SPINK9: variants seen among roughly 807,000 people sequenced by gnomAD.
SPINK9 encodes the protein serine protease inhibitor Kazal-type 9.
Under a neutral mutation model 10.8 loss-of-function variants are expected in SPINK9, and 3 were observed. The observed-to-expected ratio is 0.28, with a 90% CI of 0.13 to 0.72. SPINK9 has a LOEUF of 0.72. SPINK9 is among the 30% of genes least tolerant of loss of function. SPINK9 has a pLI of 0.74. For synonymous variants in SPINK9, 30 were observed against 31.2 expected (o/e 0.96, Z 0.12); for missense variants, 101 against 103.2 (o/e 0.98, Z 0.09).
At chr5:148,323,773 A>C in exon 2 of SPINK9, 1 of 700,936 alleles carries the variant, frequency 1.4e-6, no homozygotes, top group Middle Eastern at 2.3e-4. Flanking sequence ...AATCCTTCTC[A>C]TCATTGTTTT....
At chr5:148,326,022 A>G (rs1322535026) in intron 2 of SPINK9, among the ~76,000 whole-genome samples, 1 of 152,310 alleles carries the variant, frequency 6.6e-6, no homozygotes, top group Admixed American at 6.5e-5. Flanking sequence ...TTCGCCATAT[A>G]TCCAAAATAT....
upstream of SPINK9, among the ~76,000 whole-genome samples, chr5:148,332,818 T>C (rs934211542): frequency 1.3e-5 from 2 of 152,196 alleles, no homozygotes; most frequent in African/African-American, 2.4e-5. Context: ...CTCTCTGAGA[T>C]GCTCCCTGAC....
chr5:148,339,516 A>G, intron 3 of SPINK9, 151 bp from the exon 4 acceptor site: 1 of 608,000 alleles, frequency 1.6e-6, no homozygotes, highest in Non-Finnish European at 2.9e-6. Context: ...ACCAGTTTCA[A>G]AAATATTTCT....
chr5:148,330,540 C>T (rs1029761746), intron 2 of SPINK9, among the ~76,000 whole-genome samples: 7 of 152,134 alleles, frequency 4.6e-5, no homozygotes, highest in African/African-American at 1.7e-4. Context: ...GAATTTGATC[C>T]TGTCACTATG....
Position 148,335,590 on chromosome 5 carries a change from G to T in SPINK9, c.-24G>T. 3.7e-6 allele frequency: 6 copies of T among 1,612,488 alleles called. No homozygotes were observed. In the South Asian group the frequency reaches 5.5e-5, roughly 15 times the overall value. On this transcript the variant is annotated 5_prime_UTR_variant, in exon 1 of 4. Transcript: ENST00000377906. ...CAGGTCACTTCTTTTCCCTACATCT[G>T]ACTGCCTTGGCCACTTCAGTACTAT... is the stretch of plus-strand genomic sequence containing the variant.
chr5:148,326,717 A>G (rs1424621266), intron 2 of SPINK9, among the ~76,000 whole-genome samples: 3 of 151,770 alleles, frequency 2.0e-5, no homozygotes, highest in Non-Finnish European at 4.4e-5. Flanking sequence ...CCTGTGTCCA[A>G]GTGTTCTCAT....
At chr5:148,334,358 T>C (rs1757188043), upstream of SPINK9, among the ~76,000 whole-genome samples, 1 of 152,180 alleles carries the variant, frequency 6.6e-6, no homozygotes, top group African/African-American at 2.4e-5. Flanking sequence ...TGAGGGCCAA[T>C]GCCAAGGCCT....
chr5:148,327,073 C>T (rs1235481618), intron 2 of SPINK9, among the ~76,000 whole-genome samples: 1 of 152,028 alleles, frequency 6.6e-6, no homozygotes, highest in Admixed American at 6.6e-5. Flanking sequence ...GTTCTAGATC[C>T]CCGAGGAATC....
chr5:148,326,135 T>C (rs141120961), intron 2 of SPINK9, among the ~76,000 whole-genome samples: 131 of 152,216 alleles, frequency 8.6e-4, no homozygotes, highest in Non-Finnish European at 1.5e-3. Flanking sequence ...TCAACAGATA[T>C]ATGAAAAAAT....
chr5:148,329,106 A>G (rs1325504139), intron 2 of SPINK9, among the ~76,000 whole-genome samples: 6 of 152,200 alleles, frequency 3.9e-5, no homozygotes. Flanking sequence ...TACCTCTGGT[A>G]GAATCTGGCT....
chr5:148,324,914 C>T (rs942366289), intron 2 of SPINK9, among the ~76,000 whole-genome samples: 1 of 151,928 alleles, frequency 6.6e-6, no homozygotes, highest in Non-Finnish European at 1.5e-5. Context: ...GAAACTATTC[C>T]CTTAGCAGTC....
At chr5:148,328,931 C>G (rs1757107990) in intron 2 of SPINK9, among the ~76,000 whole-genome samples, 1 of 152,102 alleles carries the variant, frequency 6.6e-6, no homozygotes, top group Non-Finnish European at 1.5e-5. Flanking sequence ...ATTTTTGCAT[C>G]AATGTTCATC....
intron 2 of SPINK9, among the ~76,000 whole-genome samples, chr5:148,327,293 C>T (rs559910575): frequency 2.2e-4 from 34 of 152,194 alleles, no homozygotes; most frequent in African/African-American, 3.6e-4. Context: ...GTTTTTTGGC[C>T]GCATAAATGT....
intron 3 of SPINK9, 95 bp from the exon 4 acceptor site, chr5:148,339,570 CTT>C: frequency 9.4e-7 from 1 of 1,059,504 alleles, no homozygotes; most frequent in African/African-American, 1.6e-5. Flanking sequence ...AGCGGGGAAA[CTT>C]GAATACATTT....
Position 148,338,561 on chromosome 5 carries a change from T to G in SPINK9, c.171T>G (p.Asp57Glu). The G allele has an allele frequency of 6.2e-7, 1 of 1,602,874 alleles. No individual in the cohort carries two copies. Among genetic ancestry groups the G allele is most frequent in the Non-Finnish European group, 8.5e-7 (1 of 1,171,412 alleles). Residue 57 changes from aspartate (D) to glutamate (E), a missense_variant, in exon 3 of 4, where the codon GAT becomes GAG. Asp to Glu is a conservative substitution (Grantham distance 45). Transcript: ENST00000377906. ...TGTATGATCCAATTTGTGGATCTGATGGCAAAACTTATAAAAATGATTGCT... is the reference window on the plus strand; with the variant it reads ...TGTATGATCCAATTTGTGGATCTGAGGGCAAAACTTATAAAAATGATTGCT... ...HHMYDPICGS[D>E]GKTYKNDCFF... is the part of the protein sequence containing the mutation.
chr5:148,331,693 C>T (rs1757153846), upstream of SPINK9, among the ~76,000 whole-genome samples: 1 of 152,146 alleles, frequency 6.6e-6, no homozygotes, highest in Non-Finnish European at 1.5e-5. Flanking sequence ...GATCATTCCA[C>T]AATGTATACA....
upstream of SPINK9, among the ~76,000 whole-genome samples, chr5:148,330,848 G>C (rs1272702379): frequency 6.6e-6 from 1 of 152,138 alleles, no homozygotes; most frequent in African/African-American, 2.4e-5. Context: ...CTCTCTTCTG[G>C]CTTATAGAGT....
At position 148,338,540 on chromosome 5, in the gene SPINK9, T is replaced by C. The variant is rs143861843; in HGVS notation, c.150T>C (p.Tyr50=). Residue 50 remains tyrosine, a synonymous_variant, in exon 3 of 4, where the codon TAT becomes TAC. Transcript: ENST00000377906. The part of the protein sequence containing the change: ...PGQQRFCHHM[Y]DPICGSDGKT... ...AACAGAGATTTTGTCATCATATGTA[T>C]GATCCAATTTGTGGATCTGATGGCA... The C allele has an allele frequency of 3.7e-6, 6 of 1,609,820 alleles. No homozygotes were observed. The African/African-American group carries it at 8.0e-5, about 22-fold the overall frequency.
chr5:148,324,897 C>T (rs1757039933), intron 2 of SPINK9, among the ~76,000 whole-genome samples: 1 of 151,816 alleles, frequency 6.6e-6, no homozygotes, highest in Non-Finnish European at 1.5e-5. Context: ...TTTCATTATA[C>T]CAAAAAGAAA....
Sources: allele counts gnomAD v4.1 joint callset (sites outside exome capture counted in the v4.1 genomes callset), GRCh38; gene constraint gnomAD v4.1.1; transcripts MANE v1.5; gene names NCBI Gene and HGNC (gene_info 2026-07-23, HGNC 2026-07-21).